Variants in WDPCP observed in about 807,000 individuals in gnomAD.
The protein encoded by WDPCP is WD repeat-containing and planar cell polarity effector protein fritz homolog.
In WDPCP, 71 loss-of-function variants were observed where a neutral mutation model predicts 93.1. That is an observed-to-expected ratio of 0.76 (90% confidence interval 0.63 to 0.93). The LOEUF is 0.93. Among genes scored for constraint, WDPCP ranks in the 40% least tolerant of loss-of-function variants. The pLI, the probability that WDPCP is intolerant of heterozygous loss-of-function variation, is 0.00. For missense variants in WDPCP, 844 were observed against 887.4 expected (o/e 0.95, Z 0.62); for synonymous variants, 315 against 315.0 (o/e 1.00, Z 0.00).
chr2:63,208,134 A>T (rs916348968), intron 14 of WDPCP, among the ~76,000 whole-genome samples: 1 of 152,146 alleles, frequency 6.6e-6, no homozygotes, highest in African/African-American at 2.4e-5. Flanking sequence ...CACTGTATTT[A>T]AGATTATTTT....
intron 12 of WDPCP, among the ~76,000 whole-genome samples, chr2:63,318,248 T>C (rs1222981458): frequency 6.6e-6 from 1 of 152,114 alleles, no homozygotes; most frequent in Non-Finnish European, 1.5e-5. Flanking sequence ...ATGGCTATTA[T>C]TAAAAAGTCA....
At chr2:63,351,941 C>A (rs1383402852) in intron 12 of WDPCP, among the ~76,000 whole-genome samples, 1 of 152,158 alleles carries the variant, frequency 6.6e-6, no homozygotes, top group African/African-American at 2.4e-5. Context: ...CTGTTGTTTT[C>A]TGACTTTTTA....
At chr2:63,299,793 G>A (rs1461241439) in intron 13 of WDPCP, among the ~76,000 whole-genome samples, 1 of 152,142 alleles carries the variant, frequency 6.6e-6, no homozygotes, top group African/African-American at 2.4e-5. Context: ...TAGGCAGATA[G>A]CAAGGACATG....
intron 2 of WDPCP, among the ~76,000 whole-genome samples, chr2:63,705,613 T>G (rs1456735069): frequency 6.6e-6 from 1 of 152,152 alleles, no homozygotes; most frequent in Non-Finnish European, 1.5e-5. Flanking sequence ...CAGTTTTGAG[T>G]GAGTTTCTTA....
chr2:63,531,267 G>A (rs1703821191), intron 1 of WDPCP, among the ~76,000 whole-genome samples: 1 of 152,212 alleles, frequency 6.6e-6, no homozygotes, highest in South Asian at 2.1e-4. Flanking sequence ...GGGGGCAGGG[G>A]ATAGCTGAAC....
At chr2:63,745,035 A>G (rs1208531969) in intron 2 of WDPCP, among the ~76,000 whole-genome samples, 9 of 152,122 alleles carry the variant, frequency 5.9e-5, no homozygotes, top group Non-Finnish European at 1.0e-4. Flanking sequence ...TTAATCATAT[A>G]AACAATATGT....
At chr2:63,814,194 C>T (rs1425742055) in intron 1 of WDPCP, among the ~76,000 whole-genome samples, 2 of 152,200 alleles carry the variant, frequency 1.3e-5, no homozygotes, top group African/African-American at 4.8e-5. Context: ...ACCCCTTCTT[C>T]CTTGCCTCCC....
intron 13 of WDPCP, among the ~76,000 whole-genome samples, chr2:63,280,243 G>A (rs1683426424): frequency 6.6e-6 from 1 of 152,180 alleles, no homozygotes; most frequent in African/African-American, 2.4e-5. Flanking sequence ...TATGGCTGGG[G>A]AGGCCTCAGA....
chr2:63,392,720 G>A (rs1335037919), intron 10 of WDPCP, among the ~76,000 whole-genome samples: 2 of 152,112 alleles, frequency 1.3e-5, no homozygotes, highest in East Asian at 1.9e-4. Context: ...TCAAAAAGTG[G>A]GCAAAGCATA....
chr2:63,647,170 C>T (rs954869755), intron 3 of WDPCP, among the ~76,000 whole-genome samples: 29 of 152,084 alleles, frequency 1.9e-4, no homozygotes, highest in African/African-American at 6.3e-4. Flanking sequence ...TGGAGTCTCA[C>T]CCTGTCTCCC....
chr2:63,252,854 T>C (rs879622001), intron 14 of WDPCP, among the ~76,000 whole-genome samples: 1 of 152,214 alleles, frequency 6.6e-6, no homozygotes, highest in Non-Finnish European at 1.5e-5. Context: ...ATCTATGGAT[T>C]CAACTCTGTA....
At chr2:63,552,887 T>C (rs968327522) in intron 1 of WDPCP, among the ~76,000 whole-genome samples, 2 of 152,162 alleles carry the variant, frequency 1.3e-5, no homozygotes, top group African/African-American at 2.4e-5. Flanking sequence ...CCAAAGATTG[T>C]TTTCAGCGTA....
chr2:63,519,298 C>A (rs1341031294), intron 1 of WDPCP: 1 of 152,558 alleles, frequency 6.6e-6, no homozygotes, highest in Non-Finnish European at 1.5e-5. Flanking sequence ...ATGGAGAATC[C>A]CAACCCCACA....
chr2:63,155,708 C>T (rs1672194050), intron 15 of WDPCP, among the ~76,000 whole-genome samples: 1 of 152,218 alleles, frequency 6.6e-6, no homozygotes, highest in South Asian at 2.1e-4. Context: ...AAAATCTTTA[C>T]TAAATGGCCC....
At chr2:63,480,413 G>C (rs1700200510) in intron 6 of WDPCP, among the ~76,000 whole-genome samples, 3 of 151,672 alleles carry the variant, frequency 2.0e-5, no homozygotes, top group Admixed American at 2.0e-4. Context: ...ACCAAAAAAG[G>C]GCCCGCATAG....
In WDPCP at chr2:63,433,866, T is replaced by G. The variant is rs567879550; in HGVS notation, c.704A>C (p.His235Pro). 1.2e-6 allele frequency: 2 copies of G among 1,614,040 alleles called. No homozygotes were observed. The highest frequency in any genetic ancestry group is 2.7e-5 in the African/African-American group (2 of 75,050). ...TERHLAINCV[H>P]DRVVCWWPLV... ...TGGCCACCAGCAAACAACTCTATCATGAACACAGTTGATAGCTAGATGTCG... is the reference window on the plus strand; with the variant it reads ...TGGCCACCAGCAAACAACTCTATCAGGAACACAGTTGATAGCTAGATGTCG... The change falls in exon 9 of 18, where the codon CAT becomes CCT. Residue 235 changes from histidine to proline, a missense_variant. Physicochemically the swap from His to Pro is moderately conservative, Grantham distance 77 (BLOSUM62 -2). Coordinates refer to ENST00000272321, the MANE Select transcript of WDPCP (RefSeq NM_015910.7).
At chr2:63,593,734 T>C (rs1009360439), upstream of WDPCP, 2 of 468,816 alleles carry the variant, frequency 4.3e-6, no homozygotes, top group Non-Finnish European at 8.8e-6. Flanking sequence ...ACCCATTACG[T>C]TTCTAAACAT....
chr2:63,489,358 T>C (rs534538945), intron 2 of WDPCP, among the ~76,000 whole-genome samples: 2 of 152,144 alleles, frequency 1.3e-5, no homozygotes, highest in African/African-American at 2.4e-5. Flanking sequence ...TATAGAGAGA[T>C]AGATACAGAA....
At chr2:63,299,494 TC>T (rs1685163326) in intron 13 of WDPCP, among the ~76,000 whole-genome samples, 1 of 152,110 alleles carries the variant, frequency 6.6e-6, no homozygotes, top group Admixed American at 6.5e-5. Context: ...AAGTGACAGG[TC>T]CAAGCATCAA....
Sources: gnomAD v4.1 joint callset for allele counts (sites outside exome capture counted in the v4.1 genomes callset) on GRCh38, gnomAD v4.1.1 for gene constraint, MANE v1.5 for transcripts, NCBI Gene and HGNC (gene_info 2026-07-23, HGNC 2026-07-21) for gene names.